PEAK1: variants seen among roughly 807,000 people sequenced by gnomAD.
PEAK1 encodes inactive tyrosine-protein kinase PEAK1.
A neutral mutation model predicts 124.7 loss-of-function variants in PEAK1; 54 were observed. The ratio of observed to expected loss-of-function variants is 0.43; its 90% CI spans 0.35 to 0.54. PEAK1 has a LOEUF of 0.54. PEAK1 is among the 20% of genes least tolerant of loss of function. The probability of loss-of-function intolerance (pLI) is 0.01; values close to 1 mark genes in which losing one functional copy is unlikely to be tolerated. For synonymous variants in PEAK1, 719 were observed against 760.0 expected (o/e 0.95, Z 0.89); for missense variants, 2,046 against 2,134.5 (o/e 0.96, Z 0.82).
intron 7 of PEAK1, among the ~76,000 whole-genome samples, chr15:77,166,053 C>T (rs1215785268): frequency 2.0e-5 from 3 of 152,058 alleles, no homozygotes; most frequent in Non-Finnish European, 4.4e-5. Flanking sequence ...AAAAAAACAG[C>T]TATTATTGAA....
At position 77,231,285 on chromosome 15, in the gene PEAK1, T is replaced by A. The variant is rs539313504; in HGVS notation, c.-115+21082A>T. Among the ~76,000 whole-genome samples the A allele has an allele frequency of 4.6e-5, 7 of 152,332 alleles. No homozygotes were observed. In the South Asian group the frequency reaches 6.2e-4, roughly 14 times the overall value. ...AAAAGTATAATAGGCTCCACTAATT[T>A]CATGATGTTTCTTCAGTGAAGCTCA... On this transcript the variant is annotated intron_variant, in intron 6 of 9. Transcript: ENST00000682557.
At chr15:77,337,108 C>A (rs992290419) in intron 2 of PEAK1, 1 of 983,598 alleles carries the variant, frequency 1.0e-6, no homozygotes, top group Non-Finnish European at 1.2e-6. Flanking sequence ...AATCAAGATG[C>A]GGGGCTAGCC....
At chr15:77,391,706 C>CA (rs1216690078) in intron 1 of PEAK1, among the ~76,000 whole-genome samples, 1 of 151,950 alleles carries the variant, frequency 6.6e-6, no homozygotes, top group Non-Finnish European at 1.5e-5. Flanking sequence ...TATCCCTTCC[C>CA]AAAAAAGGGA....
chr15:77,133,576 G>A lies in PEAK1; in HGVS notation c.3506C>T (p.Ser1169Phe). The stretch of plus-strand genomic sequence containing the variant: ...TTCCATGGATTTTTGGAGGTCCTTG[G>A]AGATTGGCTCTGTATTGGCTCTTAT... ...MIIRANTEPI[S>F]KDLQKSMESS... Residue 1169 changes from serine to phenylalanine, a missense_variant, in exon 9 of 10, where the codon TCC (serine) becomes TTC (phenylalanine). Ser to Phe is a radical substitution (Grantham distance 155, BLOSUM62 -2). Transcript: ENST00000682557. The surrounding 1 kb of genome is among the most constrained non-coding windows in gnomAD (Gnocchi z 4.2). 9 of 1,614,176 alleles carry A rather than the reference G, an allele frequency of 5.6e-6. No individual in the cohort carries two copies. Among genetic ancestry groups the A allele is most frequent in the Non-Finnish European group, 7.6e-6 (9 of 1,180,024 alleles).
chr15:77,330,937 T>C (rs2065855884), intron 2 of PEAK1: 1 of 755,286 alleles, frequency 1.3e-6, no homozygotes, highest in Non-Finnish European at 1.6e-6. Context: ...TCCAAAACAA[T>C]TCCTGGGATA....
chr15:77,159,054 T>C (rs2055402495), intron 7 of PEAK1, among the ~76,000 whole-genome samples: 1 of 152,096 alleles, frequency 6.6e-6, no homozygotes, highest in African/African-American at 2.4e-5. Flanking sequence ...GTATTTACTA[T>C]ACTTACTAAT....
At chr15:77,414,807 C>T (rs1271429093) in intron 1 of PEAK1, among the ~76,000 whole-genome samples, 2 of 152,252 alleles carry the variant, frequency 1.3e-5, no homozygotes, top group African/African-American at 4.8e-5. Context: ...TGCTCTACAG[C>T]TTCACACTGA....
rs1439087832 is a variant in PEAK1, at chr15:77,109,680, G to A, written c.*4476C>T. On this transcript the variant is annotated 3_prime_UTR_variant, in exon 10 of 10. Transcript: ENST00000682557. The stretch of plus-strand genomic sequence containing the variant: ...TCTCGGCACAGCACTTTGGGCCTTT[G>A]AGAATATGAGCTTCGATGACATAAA... The A allele has an allele frequency of 6.6e-6, 1 of 152,184 alleles. No individual in the cohort carries two copies. Among genetic ancestry groups the A allele is most frequent in the African/African-American group, 2.4e-5 (1 of 41,444 alleles). 9.4% of individuals were successfully genotyped at this position (152,184 alleles called of 1,614,324 possible).
chr15:77,115,358 T>C (rs1177130074), intron 9 of PEAK1, 39 bp from the exon 10 acceptor site: 3 of 1,551,636 alleles, frequency 1.9e-6, no homozygotes, highest in East Asian at 2.3e-5. Context: ...CACACTCTCA[T>C]AACCAGGTTT....
intron 8 of PEAK1, among the ~76,000 whole-genome samples, chr15:77,142,383 T>C (rs1476864864): frequency 6.6e-6 from 1 of 152,352 alleles, no homozygotes; most frequent in East Asian, 1.9e-4. Flanking sequence ...GGTGCCACCA[T>C]CTTGGAAAAT....
chr15:77,253,363 C>T (rs2060975018), intron 5 of PEAK1, among the ~76,000 whole-genome samples: 1 of 151,710 alleles, frequency 6.6e-6, no homozygotes. Flanking sequence ...ACATATATTA[C>T]AAAACCTCAT....
intron 2 of PEAK1, among the ~76,000 whole-genome samples, chr15:77,314,310 C>CA (rs2153006828): frequency 6.6e-6 from 1 of 151,918 alleles, no homozygotes; most frequent in East Asian, 1.9e-4. Context: ...AAAAAAAATT[C>CA]AGTTAACCTA....
rs201450670 is a variant in PEAK1, at chr15:77,288,907, C to T, written c.-602-2403G>A. ...TAGTGCCACTGCACTCCAGCATGGG[C>T]ACAAAGCAAGACTCCGTCTCAAAAA... On this transcript the variant is annotated intron_variant, in intron 2 of 9. Transcript: ENST00000682557. Among the ~76,000 whole-genome samples the T allele has an allele frequency of 1.7e-4, 21 of 124,098 alleles. No homozygotes were observed. The East Asian group carries it at 3.3e-3, about 20-fold the overall frequency. 81.4% of individuals were successfully genotyped at this position (124,098 alleles called of 152,430 possible).
intron 2 of PEAK1, chr15:77,334,751 A>G (rs2066093047): frequency 7.1e-6 from 7 of 985,150 alleles, no homozygotes; most frequent in Non-Finnish European, 8.4e-6. Context: ...AATACATTTT[A>G]TCTCCTGACC....
chr15:77,342,766 C>T lies in PEAK1; in HGVS notation c.-603+22397G>A, dbSNP rs866894747. 1.4e-4 allele frequency among the ~76,000 whole-genome samples: 22 copies of T among 152,118 alleles called. 1 individual carries two copies. The highest frequency in any genetic ancestry group is 1.6e-4 in the Non-Finnish European group (11 of 68,014). ...CTTAGCATAATGTCTTCAAGTTCTT[C>T]CATGTTGTAGCATGTAACAGGATTT... On this transcript the variant is annotated intron_variant, in intron 2 of 9. Coordinates refer to ENST00000682557, the MANE Select transcript of PEAK1 (RefSeq NM_001385026.1).
At chr15:77,251,080 A>T (rs2060859250) in intron 6 of PEAK1, among the ~76,000 whole-genome samples, 1 of 152,204 alleles carries the variant, frequency 6.6e-6, no homozygotes, top group Non-Finnish European at 1.5e-5. Context: ...ATACCCATTC[A>T]CTATCAAGAC....
At chr15:77,195,812 AAT>A (rs2058074708) in intron 6 of PEAK1, among the ~76,000 whole-genome samples, 1 of 152,216 alleles carries the variant, frequency 6.6e-6, no homozygotes, top group Non-Finnish European at 1.5e-5. Context: ...TATTAAAATG[AAT>A]GCACCTATTA....
intron 1 of PEAK1, among the ~76,000 whole-genome samples, chr15:77,394,526 C>A (rs1234982351): frequency 6.6e-6 from 1 of 152,176 alleles, no homozygotes; most frequent in African/African-American, 2.4e-5. Context: ...CCAAGACCAC[C>A]AAGGCAGCAC....
intron 8 of PEAK1, among the ~76,000 whole-genome samples, chr15:77,145,121 T>C (rs1211234861): frequency 1.3e-5 from 2 of 152,228 alleles, no homozygotes; most frequent in Non-Finnish European, 2.9e-5. Flanking sequence ...TTTCTGAGCT[T>C]CCATAATCTA....
Sources: allele counts gnomAD v4.1 joint callset (sites outside exome capture counted in the v4.1 genomes callset), GRCh38; gene constraint gnomAD v4.1.1; non-coding constraint Gnocchi (gnomAD v3.1); transcripts MANE v1.5; gene names NCBI Gene and HGNC (gene_info 2026-07-23, HGNC 2026-07-21).